The following STON2 variants were observed in gnomAD, a reference collection of about 807,000 sequenced individuals.
STON2 encodes stonin 2, also known as stonin-2.
Under a neutral mutation model 65.7 loss-of-function variants are expected in STON2, and 29 were observed. That is an observed-to-expected ratio of 0.44 (90% CI 0.33 to 0.60). The LOEUF (loss-of-function observed/expected upper bound fraction) is 0.60. Among genes scored for constraint, STON2 ranks in the 20% least tolerant of loss-of-function variants. The pLI is 0.03. For synonymous variants in STON2, 404 were observed against 414.2 expected (o/e 0.98, Z 0.30); for missense variants, 1,054 against 1,118.1 (o/e 0.94, Z 0.82).
At chr14:81,435,856 G>A (rs1032447433) in intron 1 of STON2, among the ~76,000 whole-genome samples, 5 of 152,200 alleles carry the variant, frequency 3.3e-5, no homozygotes, top group Admixed American at 2.0e-4. Flanking sequence ...AGCGCCTGAG[G>A]CCAAGCTGGG....
chr14:81,346,421 A>C (rs1279516497), intron 4 of STON2, among the ~76,000 whole-genome samples: 1 of 152,140 alleles, frequency 6.6e-6, no homozygotes, highest in Non-Finnish European at 1.5e-5. Context: ...GGACCAGAGA[A>C]AAGGATGTAT....
chr14:81,384,516 G>A lies in STON2; in HGVS notation c.373+11378C>T, dbSNP rs1013066659. On this transcript the variant is annotated intron_variant, in intron 3 of 7. Transcript: ENST00000614646. The stretch of plus-strand genomic sequence containing the variant: ...CTACCAAAGTGGTGGGATTACAGGC[G>A]TAAGCCATCGCGCCCAGCCCCTAAC... Among the ~76,000 whole-genome samples, 7 of 152,086 alleles carry A rather than the reference G, an allele frequency of 4.6e-5. 1 individual carries two copies. The highest frequency in any genetic ancestry group is 1.3e-4 in the Admixed American group (2 of 15,272).
intron 2 of STON2, among the ~76,000 whole-genome samples, chr14:81,418,540 T>C (rs1044550249): frequency 6.6e-6 from 1 of 152,206 alleles, no homozygotes; most frequent in Admixed American, 6.5e-5. Context: ...TTAACGACTC[T>C]TAATACAGCT....
intron 5 of STON2, among the ~76,000 whole-genome samples, chr14:81,320,749 G>A (rs572391903): frequency 1.3e-5 from 2 of 152,204 alleles, no homozygotes; most frequent in East Asian, 2.0e-4. Context: ...GTTCAGGACA[G>A]GTCTCTGCGA....
At position 81,268,539 on chromosome 14, in the gene STON2, G is replaced by T. The variant is rs182157264; in HGVS notation, c.2785-42C>A. The stretch of plus-strand genomic sequence containing the variant: ...TTGGAGATAAAGATCAAAAAGAAGA[G>T]AAAAAGCATGCAAATAAATAAGTAA... On this transcript the variant is annotated intron_variant, in intron 7 of 7. Coordinates refer to ENST00000614646, the MANE Select transcript of STON2 (RefSeq NM_001394390.1). 288 of 1,285,640 alleles carry T rather than the reference G, an allele frequency of 2.2e-4. 1 individual carries two copies. The highest frequency in any genetic ancestry group is 2.8e-4 in the Non-Finnish European group (274 of 987,846). 79.6% of individuals were successfully genotyped at this position (1,285,640 alleles called of 1,614,324 possible). A position where few individuals can be genotyped will look rare whatever the true frequency, so the allele number is the denominator to read the frequency against.
intron 4 of STON2, among the ~76,000 whole-genome samples, chr14:81,331,431 C>G (rs1897210334): frequency 6.6e-6 from 1 of 152,158 alleles, no homozygotes; most frequent in Non-Finnish European, 1.5e-5. Flanking sequence ...AAAGGCAGAG[C>G]CAGGACTGGA....
rs556390600 is a variant in STON2, at chr14:81,400,262, C to G, written c.-199+17G>C. Among the ~76,000 whole-genome samples the G allele has an allele frequency of 6.6e-6, 1 of 152,094 alleles. No homozygotes were observed. The highest frequency in any genetic ancestry group is 1.5e-5 in the Non-Finnish European group (1 of 68,024). ...CAAACAGCCTGGAGAGAGCAGGTCT[C>G]CCAAACCAGATCTTACCAGAGAGCA... On this transcript the variant is annotated intron_variant, in intron 1 of 7. Transcript: ENST00000614646.
chr14:81,397,881 TTAAA>T (rs1013525753), intron 2 of STON2, among the ~76,000 whole-genome samples: 2 of 152,016 alleles, frequency 1.3e-5, no homozygotes, highest in Non-Finnish European at 2.9e-5. Context: ...CATGGAGAGG[TTAAA>T]TAAATAATCT....
chr14:81,350,209 T>C (rs1214513538), intron 4 of STON2, among the ~76,000 whole-genome samples: 1 of 152,058 alleles, frequency 6.6e-6, no homozygotes, highest in Non-Finnish European at 1.5e-5. Context: ...ATATGTGAAA[T>C]GTTCCCAACA....
rs57821672 is a variant in STON2 at position 81,308,781 on chromosome 14, CATATATATATATAT to C, written c.742+15222_742+15235del. Among the ~76,000 whole-genome samples, 19 of 9,168 alleles carry C rather than the reference CATATATATATATAT, an allele frequency of 2.1e-3. 4 individuals are homozygous for C. Among genetic ancestry groups the C allele is most frequent in the African/African-American group, 3.6e-3 (8 of 2,214 alleles). The allele number at this position is 9,168 out of a possible 152,430, so 6.0% of individuals were successfully genotyped here. On this transcript the variant is annotated intron_variant, in intron 5 of 7. Coordinates refer to ENST00000614646, the MANE Select transcript of STON2 (RefSeq NM_001394390.1). ...TTCACCCAGAGGACATGGTTTTACCCATATATATATATATATATATATATATATATATATATATA... is the reference window on the plus strand; with the variant it reads ...TTCACCCAGAGGACATGGTTTTACCCATATATATATATATATATATATATA...
intron 5 of STON2, among the ~76,000 whole-genome samples, chr14:81,319,626 A>C (rs189409903): frequency 1.1e-3 from 160 of 152,336 alleles, no homozygotes; most frequent in Non-Finnish European, 1.9e-3. Context: ...TGCATCTTTC[A>C]GTAATGGAAG....
chr14:81,326,951 T>C (rs932823577), intron 4 of STON2, among the ~76,000 whole-genome samples: 5 of 152,126 alleles, frequency 3.3e-5, no homozygotes, highest in African/African-American at 9.7e-5. Flanking sequence ...TCCCCACCCA[T>C]TGTCCTAAGT....
chr14:81,435,736 T>G (rs1285449509), intron 1 of STON2, among the ~76,000 whole-genome samples: 2 of 151,908 alleles, frequency 1.3e-5, no homozygotes, highest in African/African-American at 4.8e-5. Flanking sequence ...CATCTTCAAC[T>G]CTTCATCCCA....
intron 4 of STON2, among the ~76,000 whole-genome samples, chr14:81,355,816 A>G (rs931298329): frequency 2.7e-4 from 41 of 152,026 alleles, no homozygotes; most frequent in Admixed American, 2.4e-3. Context: ...TTTGTCTGTT[A>G]TTGGTGTATA....
At chr14:81,406,613 T>C (rs1900873981) in intron 2 of STON2, among the ~76,000 whole-genome samples, 1 of 152,152 alleles carries the variant, frequency 6.6e-6, no homozygotes, top group East Asian at 1.9e-4. Context: ...CTTGAGAACA[T>C]GATCCTTACC....
chr14:81,300,718 G>C (rs1195857671), intron 5 of STON2, among the ~76,000 whole-genome samples: 2 of 152,154 alleles, frequency 1.3e-5, no homozygotes, highest in Non-Finnish European at 2.9e-5. Context: ...TCATTGGTGA[G>C]AGTATAAAAT....
At position 81,269,605 on chromosome 14, in the gene STON2, C is replaced by A. The variant is rs1395921310; in HGVS notation, c.2784+1065G>T. 3.0e-6 allele frequency: 3 copies of A among 985,290 alleles called. No homozygotes were observed. The East Asian group carries it at 3.4e-4, about 112-fold the overall frequency. 61.0% of individuals were successfully genotyped at this position (985,290 alleles called of 1,614,324 possible). A position where few individuals can be genotyped will look rare whatever the true frequency, so the allele number is the denominator to read the frequency against. On this transcript the variant is annotated intron_variant, in intron 7 of 7. Transcript: ENST00000614646. Reference sequence around the variant, plus strand: ...AGGGAGGTGCTATTTTTTTCCTAGCCACAAGATGGAGTGTTTGTTCCTTTT... The same window carrying A: ...AGGGAGGTGCTATTTTTTTCCTAGCAACAAGATGGAGTGTTTGTTCCTTTT...
chr14:81,372,228 T>C (rs1017237066), intron 3 of STON2, among the ~76,000 whole-genome samples: 1 of 152,150 alleles, frequency 6.6e-6, no homozygotes, highest in Non-Finnish European at 1.5e-5. Context: ...TAATTTCCTA[T>C]CACATGCTGC....
chr14:81,341,695 T>C (rs1196426379), intron 4 of STON2, among the ~76,000 whole-genome samples: 1 of 152,190 alleles, frequency 6.6e-6, no homozygotes, highest in African/African-American at 2.4e-5. Context: ...CAGACTCTTC[T>C]AGATAGTGCT....
Sources: gnomAD v4.1 joint callset for allele counts (sites outside exome capture counted in the v4.1 genomes callset) on GRCh38, gnomAD v4.1.1 for gene constraint, MANE v1.5 for transcripts, NCBI Gene and HGNC (gene_info 2026-07-23, HGNC 2026-07-21) for gene names.